Variants in VPS50 observed in about 807,000 individuals in gnomAD.
VPS50 encodes the protein syndetin.
VPS50 carries 70 observed loss-of-function variants against 139.7 expected under a neutral mutation model. The observed-to-expected ratio is 0.50, with a 90% CI of 0.41 to 0.61. The LOEUF (loss-of-function observed/expected upper bound fraction) is 0.61, where lower values mean the gene tolerates loss of function less well. Among genes scored for constraint, VPS50 ranks in the 20% least tolerant of loss-of-function variants. VPS50 has a pLI of 0.00. For synonymous variants in VPS50, 365 were observed against 376.7 expected (o/e 0.97, Z 0.36); for missense variants, 921 against 1,133.7 (o/e 0.81, Z 2.69).
At chr7:93,319,391 C>A (rs1163354209) in intron 20 of VPS50, among the ~76,000 whole-genome samples, 1 of 152,144 alleles carries the variant, frequency 6.6e-6, no homozygotes, top group Non-Finnish European at 1.5e-5. Flanking sequence ...CTGTGTATCT[C>A]TTCCCTATGG....
At chr7:93,266,216 C>G (rs1430273144) in intron 9 of VPS50, among the ~76,000 whole-genome samples, 1 of 152,150 alleles carries the variant, frequency 6.6e-6, no homozygotes, top group African/African-American at 2.4e-5. Context: ...TATAACTTTA[C>G]TGAACCATGT....
chr7:93,302,036 G>A (rs1490194715), intron 16 of VPS50, among the ~76,000 whole-genome samples: 1 of 152,276 alleles, frequency 6.6e-6, no homozygotes, highest in East Asian at 1.9e-4. Flanking sequence ...CGTTTAAGGT[G>A]CTCATTGGCC....
At chr7:93,347,970 TATAATA>T (rs1011713314) in intron 23 of VPS50, among the ~76,000 whole-genome samples, 3 of 151,362 alleles carry the variant, frequency 2.0e-5, no homozygotes, top group African/African-American at 4.9e-5. Context: ...AAAAAAGTAT[TATAATA>T]ATAATAATTA....
chr7:93,297,819 T>TA lies in VPS50; in HGVS notation c.1361+577dup, dbSNP rs1434529856. On this transcript the variant is annotated intron_variant, in intron 16 of 27. Transcript: ENST00000305866. Reference sequence around the variant, plus strand: ...TATAATAGCAGTGTGATTATATCCTTACAGCAGCAATAAATTGAGGGAAGG... The same window carrying TA: ...TATAATAGCAGTGTGATTATATCCTTAACAGCAGCAATAAATTGAGGGAAGG... Among the ~76,000 whole-genome samples, 3 of 152,152 alleles carry TA rather than the reference T, an allele frequency of 2.0e-5. No individual in the cohort carries two copies. In the East Asian group the frequency reaches 5.8e-4, roughly 29 times the overall value.
At chr7:93,330,947 C>A (rs1055142266) in intron 21 of VPS50, among the ~76,000 whole-genome samples, 4 of 151,596 alleles carry the variant, frequency 2.6e-5, no homozygotes, top group Non-Finnish European at 5.9e-5. Flanking sequence ...TAGCAAACTC[C>A]TAGAATATAA....
At chr7:93,338,744 C>T (rs1798133241) in intron 22 of VPS50, among the ~76,000 whole-genome samples, 1 of 152,024 alleles carries the variant, frequency 6.6e-6, no homozygotes, top group Admixed American at 6.6e-5. Context: ...GCTTTAAAAC[C>T]AGGGAGTGTT....
At chr7:93,314,002 C>T (rs1226218907) in intron 20 of VPS50, among the ~76,000 whole-genome samples, 2 of 152,140 alleles carry the variant, frequency 1.3e-5, no homozygotes, top group Non-Finnish European at 2.9e-5. Flanking sequence ...TTCTCTCTCC[C>T]TGGGATGTTT....
chr7:93,252,350 GTTTAGGTAGTCACT>G (rs543443146), intron 2 of VPS50, among the ~76,000 whole-genome samples: 114 of 152,192 alleles, frequency 7.5e-4, no homozygotes, highest in African/African-American at 2.7e-3. Context: ...TGTATGATAT[GTTTAGGTAGTCACT>G]TTTTTTTCTT....
chr7:93,320,527 G>T (rs1198428520), intron 20 of VPS50: 2 of 152,124 alleles, frequency 1.3e-5, no homozygotes, highest in Non-Finnish European at 2.9e-5. Flanking sequence ...CTAATTTTTT[G>T]TATTTTCTTT....
intron 3 of VPS50, 41 bp from the exon 4 acceptor site, chr7:93,253,818 CA>C: frequency 8.7e-7 from 1 of 1,152,104 alleles, no homozygotes; most frequent in Non-Finnish European, 1.3e-6. Context: ...CCAAATTAAA[CA>C]ATTTATTTTT....
rs1311360967 is a variant in VPS50 at position 93,271,256 on chromosome 7, G to T, written c.696G>T (p.Gln232His). The T allele has an allele frequency of 1.3e-6, 2 of 1,556,956 alleles. No homozygotes were observed. The change falls in exon 10 of 28, where the codon CAG (glutamine) becomes CAT (histidine). Residue 232 changes from glutamine to histidine, a missense_variant. Gln to His is a conservative substitution (Grantham distance 24, BLOSUM62 0). This residue lies in a region of VPS50 where 744 missense variants were observed against 930.6 expected (regional missense o/e 0.80). Transcript: ENST00000305866. ...LNSKLQDTLE[Q>H]IEEQLDVALS... Reference sequence around the variant, plus strand: ...CAAAGCTGCAAGATACTTTGGAACAGATTGAGGTAAGAAGTATTATATCCT... The same window carrying T: ...CAAAGCTGCAAGATACTTTGGAACATATTGAGGTAAGAAGTATTATATCCT...
intron 2 of VPS50, among the ~76,000 whole-genome samples, chr7:93,248,116 A>C (rs7455763): frequency 0.048 from 7,246 of 151,926 alleles, 313 homozygotes; most frequent in African/African-American, 0.12. Context: ...TGTGACATAA[A>C]ATTTATTATA....
chr7:93,319,146 C>G (rs149063764), intron 20 of VPS50, among the ~76,000 whole-genome samples: 43 of 152,216 alleles, frequency 2.8e-4, no homozygotes, highest in Non-Finnish European at 5.7e-4. Context: ...TTGGAAGATG[C>G]CAATATCCTA....
intron 9 of VPS50, among the ~76,000 whole-genome samples, chr7:93,261,556 T>G (rs938351156): frequency 9.2e-5 from 14 of 151,368 alleles, no homozygotes; most frequent in African/African-American, 3.4e-4. Context: ...CGGGCGCCTG[T>G]AGTCCCAGCT....
chr7:93,319,317 C>A (rs1797530680), intron 20 of VPS50, among the ~76,000 whole-genome samples: 1 of 152,204 alleles, frequency 6.6e-6, no homozygotes, highest in Admixed American at 6.5e-5. Context: ...AAGGCAGGCC[C>A]ACTGTTCGTT....
rs1462119301 is a variant in VPS50, at chr7:93,358,783, G to T, written c.*347G>T. ...TATGTATGGGAAGTTTATGGAAAAT[G>T]AAGTTGGCACTTTTCTACCCTCTGA... is the stretch of plus-strand genomic sequence containing the variant. On this transcript the variant is annotated 3_prime_UTR_variant, in exon 28 of 28. Transcript: ENST00000305866. The T allele has an allele frequency of 1.2e-5, 2 of 171,178 alleles. No individual in the cohort carries two copies. The highest frequency in any genetic ancestry group is 4.8e-5 in the African/African-American group (2 of 42,032). 10.6% of individuals were successfully genotyped at this position (171,178 alleles called of 1,614,324 possible). A position where few individuals can be genotyped will look rare whatever the true frequency, so the allele number is the denominator to read the frequency against.
intron 5 of VPS50, 48 bp downstream of exon 5, chr7:93,256,610 A>T (rs1022568993): frequency 1.0e-6 from 1 of 957,590 alleles, no homozygotes; most frequent in Non-Finnish European, 1.6e-6. Context: ...TAAATGTTTG[A>T]GTGATTTACA....
intron 14 of VPS50, among the ~76,000 whole-genome samples, chr7:93,296,066 A>G (rs1020053808): frequency 6.6e-6 from 1 of 152,178 alleles, no homozygotes; most frequent in African/African-American, 2.4e-5. Flanking sequence ...AAAATTGTTT[A>G]GGAAAATATA....
intron 20 of VPS50, among the ~76,000 whole-genome samples, chr7:93,312,194 C>A (rs899217310): frequency 1.3e-5 from 2 of 152,134 alleles, no homozygotes; most frequent in African/African-American, 4.8e-5. Flanking sequence ...TATACCTTTT[C>A]ATGATGCTCA....
Sources: gnomAD v4.1 joint callset for allele counts (sites outside exome capture counted in the v4.1 genomes callset) on GRCh38, gnomAD v4.1.1 for gene constraint, gnomAD v4.1.1 regional missense constraint, MANE v1.5 for transcripts, NCBI Gene and HGNC (gene_info 2026-07-23, HGNC 2026-07-21) for gene names.